The following SCAI variants were observed in gnomAD, a reference collection of about 807,000 sequenced individuals.
SCAI encodes suppressor of cancer cell invasion, also known as protein SCAI.
In SCAI, 24 loss-of-function variants were observed where a neutral mutation model predicts 92.2. The ratio of observed to expected loss-of-function variants is 0.26; its 90% CI spans 0.19 to 0.37. The LOEUF (loss-of-function observed/expected upper bound fraction) is 0.37. SCAI is among the 10% of genes least tolerant of loss of function. The probability of loss-of-function intolerance (pLI) is 1.00; values close to 1 mark genes in which losing one functional copy is unlikely to be tolerated. For synonymous variants in SCAI, 261 were observed against 258.6 expected (o/e 1.01, Z -0.09); for missense variants, 450 against 736.2 (o/e 0.61, Z 4.50).
intron 17 of SCAI, among the ~76,000 whole-genome samples, chr9:124,959,938 A>G (rs889733876): frequency 6.6e-6 from 1 of 152,110 alleles, no homozygotes; most frequent in African/African-American, 2.4e-5. Flanking sequence ...TCTATCATTG[A>G]TGGACATTTG....
chr9:125,107,906 C>A (rs935938765), intron 2 of SCAI, among the ~76,000 whole-genome samples: 5 of 152,176 alleles, frequency 3.3e-5, no homozygotes, highest in African/African-American at 1.2e-4. Context: ...GTACTGCTGC[C>A]GTCTCCACTC....
chr9:125,007,916 G>C (rs919535141), intron 9 of SCAI, among the ~76,000 whole-genome samples: 2 of 147,780 alleles, frequency 1.4e-5, no homozygotes, highest in African/African-American at 2.5e-5. Context: ...TCTGATCTCT[G>C]CTCACCGTAA....
chr9:125,095,277 C>T (rs1834523334), intron 2 of SCAI, among the ~76,000 whole-genome samples: 1 of 152,204 alleles, frequency 6.6e-6, no homozygotes, highest in African/African-American at 2.4e-5. Context: ...TACCACAGCT[C>T]AACTTCTCCC....
Position 125,018,873 on chromosome 9 carries a change from A to T in SCAI, c.787T>A (p.Leu263Met). Residue 263 changes from leucine to methionine, a missense_variant, in exon 9 of 18, where the codon TTG (leucine) becomes ATG (methionine). This residue lies in a region of SCAI where 360 missense variants were observed against 601.8 expected (regional missense o/e 0.60). Coordinates refer to ENST00000336505, the MANE Select transcript of SCAI (RefSeq NM_001144877.3). ...CCCACAATCATGCCCTGTTCCAGCA[A>T]TGGGGCTCCTGTTTCAGCAAGGCGA... Reference protein sequence around the residue: ...SNRLAETGAPLLEQGMIVGQL... With the variant: ...SNRLAETGAPMLEQGMIVGQL... The T allele has an allele frequency of 6.2e-7, 1 of 1,614,092 alleles. No homozygotes were observed. Among genetic ancestry groups the T allele is most frequent in the Non-Finnish European group, 8.5e-7 (1 of 1,179,974 alleles).
intron 2 of SCAI, among the ~76,000 whole-genome samples, chr9:125,075,967 G>T (rs550678892): frequency 6.6e-6 from 1 of 152,252 alleles, no homozygotes; most frequent in African/African-American, 2.4e-5. Flanking sequence ...CAAAGTGCTG[G>T]GATTGCAGGT....
At chr9:125,018,131 G>A (rs946605443) in intron 9 of SCAI, among the ~76,000 whole-genome samples, 1 of 151,982 alleles carries the variant, frequency 6.6e-6, no homozygotes, top group African/African-American at 2.4e-5. Flanking sequence ...GTCTCGCTCT[G>A]TCACCCAGGC....
At chr9:125,032,188 TATATA>T (rs1338065562) in intron 3 of SCAI, among the ~76,000 whole-genome samples, 11 of 112,140 alleles carry the variant, frequency 9.8e-5, no homozygotes, top group African/African-American at 3.8e-4. Context: ...TATATATATA[TATATA>T]TATTTTTTTT....
intron 2 of SCAI, among the ~76,000 whole-genome samples, chr9:125,123,101 C>A (rs1485548887): frequency 6.6e-6 from 1 of 152,208 alleles, no homozygotes; most frequent in Non-Finnish European, 1.5e-5. Context: ...GTGGCTCACA[C>A]TTGCAATCCT....
rs1356768836 is a variant in SCAI at position 125,142,643 on chromosome 9, G to T, written c.88C>A (p.Arg30=). The change falls in exon 2 of 18, where the codon CGG becomes AGG. Residue 30 remains arginine, a synonymous_variant. Coordinates refer to ENST00000336505, the MANE Select transcript of SCAI (RefSeq NM_001144877.3). Reference sequence around the variant, plus strand: ...AAGGCACTGCCTTACCTGCTTCTCCGTTTTCGAGGCGGTTTCTCCACTGTG... The same window carrying T: ...AAGGCACTGCCTTACCTGCTTCTCCTTTTTCGAGGCGGTTTCTCCACTGTG... ...TGTVEKPPRK[R]RSRTEFALKE... The T allele has an allele frequency of 6.2e-7, 1 of 1,613,866 alleles. No individual in the cohort carries two copies.
chr9:124,990,475 C>T (rs1033530105), intron 14 of SCAI, among the ~76,000 whole-genome samples: 3 of 152,034 alleles, frequency 2.0e-5, no homozygotes, highest in Non-Finnish European at 4.4e-5. Context: ...GGTGACACAG[C>T]GAGCCTCCCT....
intron 3 of SCAI, among the ~76,000 whole-genome samples, chr9:125,034,886 G>T (rs1833160199): frequency 6.6e-6 from 1 of 152,316 alleles, no homozygotes; most frequent in Non-Finnish European, 1.5e-5. Context: ...GCTTTGCTAT[G>T]TATAATATTT....
intron 4 of SCAI, among the ~76,000 whole-genome samples, 171 bp from the exon 5 acceptor site, chr9:125,028,649 CTATTTA>C (rs749276016): frequency 1.0e-4 from 15 of 149,012 alleles, no homozygotes; most frequent in African/African-American, 1.9e-4. Flanking sequence ...TATTAAATGT[CTATTTA>C]TAAGTTGAAA....
chr9:125,010,302 C>T (rs1228417998), intron 9 of SCAI, among the ~76,000 whole-genome samples: 1 of 152,154 alleles, frequency 6.6e-6, no homozygotes, highest in African/African-American at 2.4e-5. Flanking sequence ...ACAGATGGCA[C>T]CTGGAAAATT....
intron 6 of SCAI, among the ~76,000 whole-genome samples, chr9:125,022,863 T>A (rs376033480): frequency 1.2e-4 from 18 of 152,346 alleles, no homozygotes; most frequent in African/African-American, 4.1e-4. Flanking sequence ...CTAATTATAC[T>A]TTTTGGAGTT....
chr9:125,073,413 AT>A (rs948724996), intron 2 of SCAI, among the ~76,000 whole-genome samples: 6 of 151,906 alleles, frequency 3.9e-5, no homozygotes, highest in African/African-American at 1.2e-4. Flanking sequence ...CCTATTTTTA[AT>A]TTTTTGAGGA....
At chr9:125,031,095 G>T (rs1485905498) in intron 3 of SCAI, among the ~76,000 whole-genome samples, 2 of 152,144 alleles carry the variant, frequency 1.3e-5, no homozygotes, top group Non-Finnish European at 2.9e-5. Flanking sequence ...AGGAATTTAA[G>T]AATTTGGCTG....
At chr9:125,065,029 C>T (rs1588191512) in intron 2 of SCAI, among the ~76,000 whole-genome samples, 1 of 151,898 alleles carries the variant, frequency 6.6e-6, no homozygotes, top group Non-Finnish European at 1.5e-5. Context: ...CCTTTAAACA[C>T]ATACATTTAA....
chr9:124,994,876 G>T (rs1832205804), intron 14 of SCAI, 58 bp downstream of exon 14: 4 of 1,075,350 alleles, frequency 3.7e-6, no homozygotes, highest in Non-Finnish European at 5.7e-6. Context: ...ATTAAGAGTG[G>T]GTACCCTTGG....
intron 14 of SCAI, among the ~76,000 whole-genome samples, chr9:124,985,988 A>C (rs1297205814): frequency 6.6e-6 from 1 of 151,612 alleles, no homozygotes; most frequent in Non-Finnish European, 1.5e-5. Flanking sequence ...AAAATAAGAA[A>C]CTATAAAAAG....
Sources: gnomAD v4.1 joint callset for allele counts (sites outside exome capture counted in the v4.1 genomes callset) on GRCh38, gnomAD v4.1.1 for gene constraint, gnomAD v4.1.1 regional missense constraint, MANE v1.5 for transcripts, NCBI Gene and HGNC (gene_info 2026-07-23, HGNC 2026-07-21) for gene names.